ASIC2: variants seen among roughly 807,000 people sequenced by gnomAD.
ASIC2 encodes acid-sensing ion channel 2.
A neutral mutation model predicts 57.3 loss-of-function variants in ASIC2; 25 were observed. The ratio of observed to expected loss-of-function variants is 0.44; its 90% CI spans 0.32 to 0.61. The LOEUF (loss-of-function observed/expected upper bound fraction) is 0.61, where lower values mean the gene tolerates loss of function less well. Ranked by LOEUF, ASIC2 falls within the 20% of genes least tolerant of loss-of-function variation. The pLI is 0.06. For synonymous variants in ASIC2, 319 were observed against 307.5 expected (o/e 1.04, Z -0.39); for missense variants, 641 against 738.1 (o/e 0.87, Z 1.52).
intron 1 of ASIC2, among the ~76,000 whole-genome samples, chr17:33,318,246 T>C (rs1481428152): frequency 6.6e-6 from 1 of 152,176 alleles, no homozygotes; most frequent in Non-Finnish European, 1.5e-5. Context: ...CAGGGCCTTC[T>C]TGCTTTCTTC....
intron 1 of ASIC2, among the ~76,000 whole-genome samples, chr17:33,982,579 A>T (rs1358204289): frequency 6.6e-6 from 1 of 152,156 alleles, no homozygotes; most frequent in Non-Finnish European, 1.5e-5. Flanking sequence ...CTCCCAAGGC[A>T]TCTAGTGTCT....
chr17:33,187,488 T>C (rs1906241972), intron 1 of ASIC2, among the ~76,000 whole-genome samples: 1 of 152,156 alleles, frequency 6.6e-6, no homozygotes, highest in African/African-American at 2.4e-5. Context: ...ATGTGTTGAT[T>C]GTAATGGTTC....
intron 1 of ASIC2, among the ~76,000 whole-genome samples, chr17:33,123,612 C>T (rs556461662): frequency 7.9e-5 from 12 of 152,258 alleles, no homozygotes; most frequent in African/African-American, 2.9e-4. Context: ...TGCCCAGATC[C>T]CTTCTGGAAC....
intron 1 of ASIC2, among the ~76,000 whole-genome samples, chr17:33,966,828 G>A (rs1905088782): frequency 6.6e-6 from 1 of 152,138 alleles, no homozygotes; most frequent in African/African-American, 2.4e-5. Context: ...CTTAGCTTCC[G>A]CAATCTGGAA....
chr17:33,931,669 T>C (rs1915933913), intron 1 of ASIC2, among the ~76,000 whole-genome samples: 1 of 152,202 alleles, frequency 6.6e-6, no homozygotes, highest in Non-Finnish European at 1.5e-5. Flanking sequence ...TTCTGTGTGT[T>C]GTCAACTGGG....
At chr17:33,175,440 A>C (rs984602387) in intron 1 of ASIC2, among the ~76,000 whole-genome samples, 7 of 150,540 alleles carry the variant, frequency 4.6e-5, no homozygotes, top group Non-Finnish European at 8.8e-5. Context: ...AAAGCTCTTC[A>C]TTCCCATTTA....
At chr17:33,560,192 C>G (rs9904241) in intron 1 of ASIC2, among the ~76,000 whole-genome samples, 86,165 of 152,064 alleles carry the variant, frequency 0.57, 25,569 homozygotes, top group African/African-American at 0.75. Flanking sequence ...CAGGCAGAGG[C>G]AATCATCAAT....
chr17:33,771,583 G>T (rs1911113902), intron 1 of ASIC2, among the ~76,000 whole-genome samples: 1 of 151,622 alleles, frequency 6.6e-6, no homozygotes, highest in Admixed American at 6.6e-5. Context: ...CTCTGGTTTT[G>T]CCTGAGGGCT....
chr17:33,328,955 C>T (rs891814338), intron 1 of ASIC2, among the ~76,000 whole-genome samples: 3 of 152,300 alleles, frequency 2.0e-5, no homozygotes, highest in Admixed American at 2.0e-4. Context: ...TATTTTTCCC[C>T]TTTCCTGGAT....
At chr17:33,566,305 T>C (rs1465706096) in intron 1 of ASIC2, among the ~76,000 whole-genome samples, 1 of 152,202 alleles carries the variant, frequency 6.6e-6, no homozygotes, top group Non-Finnish European at 1.5e-5. Context: ...TTGGGAATGG[T>C]AGATCCTTTT....
At chr17:34,063,362 C>T (rs1055892429) in intron 1 of ASIC2, among the ~76,000 whole-genome samples, 5 of 152,120 alleles carry the variant, frequency 3.3e-5, no homozygotes, top group African/African-American at 1.2e-4. Context: ...ATACAAGGGA[C>T]ATACCTTAAT....
chr17:33,968,096 C>A (rs563012227), intron 1 of ASIC2, among the ~76,000 whole-genome samples: 1 of 152,264 alleles, frequency 6.6e-6, no homozygotes, highest in East Asian at 1.9e-4. Flanking sequence ...GTGGCAGACC[C>A]ACACTCTGGG....
At chr17:33,525,966 T>C (rs1914874991) in intron 1 of ASIC2, among the ~76,000 whole-genome samples, 1 of 152,188 alleles carries the variant, frequency 6.6e-6, no homozygotes. Flanking sequence ...TATCTTCTTG[T>C]CCTAGGTCAA....
chr17:33,574,044 A>T (rs530148344), intron 1 of ASIC2, among the ~76,000 whole-genome samples: 39 of 152,294 alleles, frequency 2.6e-4, no homozygotes, highest in African/African-American at 8.9e-4. Flanking sequence ...TCACTACCAG[A>T]GTGCCGCTCA....
intron 1 of ASIC2, among the ~76,000 whole-genome samples, chr17:33,474,372 C>G (rs147146498): frequency 6.6e-6 from 1 of 151,994 alleles, no homozygotes; most frequent in Non-Finnish European, 1.5e-5. Flanking sequence ...TTGCATCCCC[C>G]CGCCAAAGAA....
intron 1 of ASIC2, among the ~76,000 whole-genome samples, chr17:33,413,367 A>G (rs1055114315): frequency 6.6e-6 from 1 of 152,014 alleles, no homozygotes; most frequent in Non-Finnish European, 1.5e-5. Context: ...GTAACCATCA[A>G]TCAATCAACA....
intron 1 of ASIC2, among the ~76,000 whole-genome samples, chr17:33,819,148 G>A (rs1597889011): frequency 6.6e-6 from 1 of 152,224 alleles, no homozygotes; most frequent in South Asian, 2.1e-4. Flanking sequence ...GAGCTGGTAA[G>A]TATGCCTCTC....
chr17:33,161,257 A>G lies in ASIC2; in HGVS notation c.709-49190T>C, dbSNP rs139852648. ...GTTTATAGAGCACCTACTGTATGCCAGGCAGTGTGCTAAGGATCTTGTCTT... is the reference window on the plus strand; with the variant it reads ...GTTTATAGAGCACCTACTGTATGCCGGGCAGTGTGCTAAGGATCTTGTCTT... On this transcript the variant is annotated intron_variant, in intron 1 of 9. Transcript: ENST00000225823. Among the ~76,000 whole-genome samples the G allele has an allele frequency of 2.1e-4, 32 of 152,322 alleles. 1 individual carries two copies. Among genetic ancestry groups the G allele is most frequent in the African/African-American group, 7.5e-4 (31 of 41,574 alleles).
intron 1 of ASIC2, among the ~76,000 whole-genome samples, chr17:33,347,397 C>T (rs1034028519): frequency 2.0e-5 from 3 of 152,040 alleles, no homozygotes; most frequent in Non-Finnish European, 4.4e-5. Flanking sequence ...ATGAAACAGT[C>T]GTTACAAAGA....
Sources: gnomAD v4.1 joint callset for allele counts (sites outside exome capture counted in the v4.1 genomes callset) on GRCh38, gnomAD v4.1.1 for gene constraint, MANE v1.5 for transcripts, NCBI Gene and HGNC (gene_info 2026-07-23, HGNC 2026-07-21) for gene names.